Variants in DDR1 observed in about 807,000 individuals in gnomAD.
DDR1 encodes discoidin domain receptor tyrosine kinase 1, also known as epithelial discoidin domain-containing receptor 1.
A neutral mutation model predicts 97.4 loss-of-function variants in DDR1; 64 were observed. That is an observed-to-expected ratio of 0.66 (90% CI 0.54 to 0.81). The LOEUF (loss-of-function observed/expected upper bound fraction) is 0.81, where lower values mean the gene tolerates loss of function less well. Ranked by LOEUF, DDR1 falls within the 30% of genes least tolerant of loss-of-function variation. DDR1 has a pLI of 0.00. For missense variants in DDR1, 990 were observed against 1,259.6 expected (o/e 0.79, Z 3.24); for synonymous variants, 458 against 503.7 (o/e 0.91, Z 1.21).
At chr6:30,899,127 T>A in intron 17 of DDR1, 29 bp from the exon 18 acceptor site, 1 of 1,614,218 alleles carries the variant, frequency 6.2e-7, no homozygotes, top group Non-Finnish European at 8.5e-7. Context: ...ATTTGTTCCC[T>A]GACTCTCATC....
rs1792147244 is a variant in DDR1 at position 30,899,321 on chromosome 6, T to A, written c.*25T>A. ...AATCACACATCCAGCTGCCCCTCCC[T>A]CAGGGAGCGATCCAGGGGAAGCCAG... On this transcript the variant is annotated 3_prime_UTR_variant, in exon 18 of 18. Transcript: ENST00000376568. 1.9e-6 allele frequency: 3 copies of A among 1,593,894 alleles called. No homozygotes were observed. The African/African-American group carries it at 4.0e-5, about 21-fold the overall frequency.
chr6:30,889,540 C>G lies in DDR1; in HGVS notation c.417+110C>G. 1 of 775,238 alleles carries G rather than the reference C, an allele frequency of 1.3e-6. No homozygotes were observed. The highest frequency in any genetic ancestry group is 2.8e-4 in the Middle Eastern group (1 of 3,576). 48.0% of individuals were successfully genotyped at this position (775,238 alleles called of 1,614,324 possible). A position where few individuals can be genotyped will look rare whatever the true frequency, so the allele number is the denominator to read the frequency against. Reference sequence around the variant, plus strand: ...CTCTCCAGTTTATATCATCTCCAGACTAAGCCTCTCAGCTGAGCTCCAAAC... The same window carrying G: ...CTCTCCAGTTTATATCATCTCCAGAGTAAGCCTCTCAGCTGAGCTCCAAAC... On this transcript the variant is annotated intron_variant, in intron 4 of 17. Coordinates refer to ENST00000376568, the MANE Select transcript of DDR1 (RefSeq NM_001297654.2). This position sits in a 1 kb window ranked among gnomAD's most constrained non-coding sequence, Gnocchi z 4.9.
intron 1 of DDR1, among the ~76,000 whole-genome samples, chr6:30,887,341 T>C (rs1047391102): frequency 2.4e-4 from 37 of 152,258 alleles, no homozygotes; most frequent in African/African-American, 7.7e-4. Context: ...AATGCATTTA[T>C]GTTACAAGAT....
In DDR1 at chr6:30,894,772, C is replaced by A; in HGVS notation, c.1513+101C>A. 1.5e-6 allele frequency: 2 copies of A among 1,329,394 alleles called. No homozygotes were observed. Among genetic ancestry groups the A allele is most frequent in the Non-Finnish European group, 1.0e-6 (1 of 988,118 alleles). 82.3% of individuals were successfully genotyped at this position (1,329,394 alleles called of 1,614,324 possible). On this transcript the variant is annotated intron_variant, in intron 11 of 17. Transcript: ENST00000376568. This position sits in a 1 kb window ranked among gnomAD's most constrained non-coding sequence, Gnocchi z 5.7. Reference sequence around the variant, plus strand: ...TTTTTCCTGTCTTCCCCAGTTTCCACTTGTTTTCTTCTTTCTGTGCCCCTG... The same window carrying A: ...TTTTTCCTGTCTTCCCCAGTTTCCAATTGTTTTCTTCTTTCTGTGCCCCTG...
In DDR1 at chr6:30,895,415, TC is replaced by T. The variant is rs780551222; in HGVS notation, c.1527del (p.Asn510IlefsTer143). 2.5e-6 allele frequency: 4 copies of T among 1,610,578 alleles called. No individual in the cohort carries two copies. Among genetic ancestry groups the T allele is most frequent in the Non-Finnish European group, 2.5e-6 (3 of 1,178,846 alleles). On this transcript the variant is annotated frameshift_variant, in exon 12 of 18. Coordinates refer to ENST00000376568, the MANE Select transcript of DDR1 (RefSeq NM_001297654.2). LOFTEE classifies it high-confidence loss of function. ...CCTTCTCCCGACAGCGTTGCTGCTC[TC>T]CAATCCAGCCTACCGCCTCCTTCTG... ...CVPNGSALLL[S>X]NPAYRLLLAT...
At position 30,899,461 on chromosome 6, in the gene DDR1, T is replaced by TGC. The variant is rs1321870594; in HGVS notation, c.*166_*167dup. 3.8e-6 allele frequency: 3 copies of TGC among 797,978 alleles called. No individual in the cohort carries two copies. The highest frequency in any genetic ancestry group is 5.8e-6 in the Non-Finnish European group (3 of 520,924). 49.4% of individuals were successfully genotyped at this position (797,978 alleles called of 1,614,324 possible). A position where few individuals can be genotyped will look rare whatever the true frequency, so the allele number is the denominator to read the frequency against. Reference sequence around the variant, plus strand: ...GGGCTGGGCCCACCCAGGGAGCTGATGCCCCTTCTCCCCTTCCTGGACACA... The same window carrying TGC: ...GGGCTGGGCCCACCCAGGGAGCTGATGCGCCCCTTCTCCCCTTCCTGGACACA... On this transcript the variant is annotated 3_prime_UTR_variant, in exon 18 of 18. Transcript: ENST00000376568.
In DDR1 at chr6:30,896,758, G is replaced by A. The variant is rs1287677792; in HGVS notation, c.1762G>A (p.Val588Met). 2 of 1,589,448 alleles carry A rather than the reference G, an allele frequency of 1.3e-6. No individual in the cohort carries two copies. The highest frequency in any genetic ancestry group is 1.7e-6 in the Non-Finnish European group (2 of 1,166,530). Residue 588 changes from valine to methionine, a missense_variant, in exon 13 of 18, where the codon GTG becomes ATG. Transcript: ENST00000376568. Reference sequence around the variant, plus strand: ...CGTCACCGGGGGCAACACCTATGCTGTGCCTGCACTGCCCCCAGGGGCAGT... The same window carrying A: ...CGTCACCGGGGGCAACACCTATGCTATGCCTGCACTGCCCCCAGGGGCAGT... ...QGVTGGNTYA[V>M]PALPPGAVGD...
Position 30,896,800 on chromosome 6 carries a change from A to C in DDR1, c.1804A>C (p.Arg602=). Residue 602 remains arginine (R), a synonymous_variant, in exon 13 of 18, where the codon AGA becomes CGA. Coordinates refer to ENST00000376568, the MANE Select transcript of DDR1 (RefSeq NM_001297654.2). The stretch of plus-strand genomic sequence containing the variant: ...AGGGGCAGTCGGGGATGGGCCCCCC[A>C]GAGTGGATTTCCCTCGATCTCGACT... ...PPGAVGDGPP[R]VDFPRSRLRF... The C allele has an allele frequency of 6.3e-7, 1 of 1,589,452 alleles. No homozygotes were observed. Among genetic ancestry groups the C allele is most frequent in the Non-Finnish European group, 8.6e-7 (1 of 1,165,924 alleles).
At chr6:30,892,771 G>C (rs1028154207) in intron 8 of DDR1, 3 of 601,656 alleles carry the variant, frequency 5.0e-6, no homozygotes, top group Non-Finnish European at 8.5e-6. Flanking sequence ...TATTGAGCCA[G>C]TATGACAGTA....
At chr6:30,885,360 T>A in intron 1 of DDR1, 1 of 1,176,650 alleles carries the variant, frequency 8.5e-7, no homozygotes, top group Non-Finnish European at 1.2e-6. Context: ...TGTAGGTGTG[T>A]CCAGGACTGA....
In DDR1 at chr6:30,891,512, G is replaced by T; in HGVS notation, c.665+33G>T. 3 of 1,415,456 alleles carry T rather than the reference G, an allele frequency of 2.1e-6. No homozygotes were observed. The highest frequency in any genetic ancestry group is 2.5e-5 in the East Asian group (1 of 40,404). The allele number at this position is 1,415,456 out of a possible 1,614,324, so 87.7% of individuals were successfully genotyped here. On this transcript the variant is annotated intron_variant, in intron 6 of 17. Transcript: ENST00000376568. The surrounding 1 kb of genome is among the most constrained non-coding windows in gnomAD (Gnocchi z 5.3). Reference sequence around the variant, plus strand: ...AGGCCCCTGCAGGATATGGAGTTTGGGGTGGGAGGGAGGACTGTGTGTGTG... The same window carrying T: ...AGGCCCCTGCAGGATATGGAGTTTGTGGTGGGAGGGAGGACTGTGTGTGTG...
At position 30,889,130 on chromosome 6, in the gene DDR1, A is replaced by C. The variant is rs926602740; in HGVS notation, c.189-72A>C. ...CCCTGCAGGCTGAGGGGGCAAATGA[A>C]GTGGGGTTTAAATACTGGAGATGGA... On this transcript the variant is annotated intron_variant, in intron 3 of 17. Transcript: ENST00000376568. This position sits in a 1 kb window ranked among gnomAD's most constrained non-coding sequence, Gnocchi z 4.9. The C allele has an allele frequency of 1.3e-6, 2 of 1,584,724 alleles. No individual in the cohort carries two copies. The highest frequency in any genetic ancestry group is 2.7e-5 in the African/African-American group (2 of 74,290).
intron 11 of DDR1, 63 bp from the exon 12 acceptor site, chr6:30,895,341 C>A (rs1215263451): frequency 1.6e-6 from 2 of 1,272,182 alleles, no homozygotes; most frequent in Non-Finnish European, 2.2e-6. Context: ...TCAAGGTCTC[C>A]CTGTCTGTCT....
At chr6:30,885,348 C>A in intron 1 of DDR1, 1 of 1,278,006 alleles carries the variant, frequency 7.8e-7, no homozygotes, top group Non-Finnish European at 1.1e-6. Flanking sequence ...TTGCTGAGGG[C>A]CTGTAGGTGT....
In DDR1 at chr6:30,888,290, T is replaced by C. The variant is rs946252057; in HGVS notation, c.-42-398T>C. The C allele has an allele frequency of 1.7e-5, 3 of 173,116 alleles. No individual in the cohort carries two copies. The East Asian group carries it at 4.7e-4, about 27-fold the overall frequency. The allele number at this position is 173,116 out of a possible 1,614,324, so 10.7% of individuals were successfully genotyped here. A position where few individuals can be genotyped will look rare whatever the true frequency, so the allele number is the denominator to read the frequency against. On this transcript the variant is annotated intron_variant, in intron 1 of 17. Coordinates refer to ENST00000376568, the MANE Select transcript of DDR1 (RefSeq NM_001297654.2). This position sits in a 1 kb window ranked among gnomAD's most constrained non-coding sequence, Gnocchi z 4.2. ...TAGTTTATTGTAGTTATTAAACCTTTTCCTGTTGTATGTGTTATAAACATT... is the reference window on the plus strand; with the variant it reads ...TAGTTTATTGTAGTTATTAAACCTTCTCCTGTTGTATGTGTTATAAACATT...
At position 30,892,362 on chromosome 6, in the gene DDR1, C is replaced by G. The variant is rs1210359448; in HGVS notation, c.919C>G (p.Arg307Gly). Residue 307 changes from arginine (R) to glycine (G), a missense_variant, in exon 8 of 18, where the codon CGT becomes GGT. Physicochemically the swap from Arg to Gly is moderately radical, Grantham distance 125. Coordinates refer to ENST00000376568, the MANE Select transcript of DDR1 (RefSeq NM_001297654.2). Reference protein sequence around the residue: ...LPGGVECRFRRGPAMAWEGEP... With the variant: ...LPGGVECRFRGGPAMAWEGEP... ...TGGCGGGGTGGAATGTCGCTTCCGG[C>G]GTGGCCCTGCCATGGCCTGGGAGGG... 1 of 1,583,450 alleles carries G rather than the reference C, an allele frequency of 6.3e-7. No homozygotes were observed. The highest frequency in any genetic ancestry group is 8.6e-7 in the Non-Finnish European group (1 of 1,165,894).
intron 1 of DDR1, among the ~76,000 whole-genome samples, chr6:30,887,221 A>G (rs1367352094): frequency 6.6e-6 from 1 of 152,188 alleles, no homozygotes. Flanking sequence ...CTGATGTTTA[A>G]TTCTATCATA....
At position 30,892,357 on chromosome 6, in the gene DDR1, TCCGGCGTGGCCCTG is replaced by T; in HGVS notation, c.917_930del (p.Arg306HisfsTer57). On this transcript the variant is annotated frameshift_variant, in exon 8 of 18. Coordinates refer to ENST00000376568, the MANE Select transcript of DDR1 (RefSeq NM_001297654.2). LOFTEE classifies it high-confidence loss of function. ...CTGCCTGGCGGGGTGGAATGTCGCT[TCCGGCGTGGCCCTG>T]CCATGGCCTGGGAGGGGGAGCCCAT... 1 of 1,581,628 alleles carries T rather than the reference TCCGGCGTGGCCCTG, an allele frequency of 6.3e-7. No individual in the cohort carries two copies. Among genetic ancestry groups the T allele is most frequent in the Non-Finnish European group, 8.6e-7 (1 of 1,164,462 alleles).
At chr6:30,893,221 C>T (rs746611882) in intron 9 of DDR1, 51 bp from the exon 10 acceptor site, 24 of 1,594,776 alleles carry the variant, frequency 1.5e-5, no homozygotes, top group African/African-American at 2.7e-5. Flanking sequence ...GGGCCTCCCC[C>T]TCGGCTAGGG....
Sources: allele counts gnomAD v4.1 joint callset (sites outside exome capture counted in the v4.1 genomes callset), GRCh38; gene constraint gnomAD v4.1.1; non-coding constraint Gnocchi (gnomAD v3.1); transcripts MANE v1.5; gene names NCBI Gene and HGNC (gene_info 2026-07-23, HGNC 2026-07-21).